The following CASP8 variants were observed in gnomAD, a reference collection of about 807,000 sequenced individuals.
CASP8 encodes caspase 8, also known as caspase-8.
CASP8 carries 24 observed loss-of-function variants against 46.3 expected under a neutral mutation model. The observed-to-expected ratio is 0.52, with a 90% CI of 0.38 to 0.73. The LOEUF is 0.73. Ranked by LOEUF, CASP8 falls within the 30% of genes least tolerant of loss-of-function variation. The probability of loss-of-function intolerance (pLI) is 0.00; values close to 1 mark genes in which losing one functional copy is unlikely to be tolerated. For synonymous variants in CASP8, 188 were observed against 200.4 expected, an observed-to-expected ratio of 0.94 and a Z score of 0.52; for missense variants, 460 against 559.0, an observed-to-expected ratio of 0.82 and a Z score of 1.79.
At chr2:201,279,952 CAAATAAAT>C (rs1036119442) in intron 7 of CASP8, among the ~76,000 whole-genome samples, 1 of 151,340 alleles carries the variant, frequency 6.6e-6, no homozygotes, top group Non-Finnish European at 1.5e-5. Flanking sequence ...GACTCCATCT[CAAATAAAT>C]AAATAAATTA....
chr2:201,255,903 A>G (rs538842057), upstream of CASP8, among the ~76,000 whole-genome samples: 1 of 152,170 alleles, frequency 6.6e-6, no homozygotes, highest in Admixed American at 6.5e-5. Flanking sequence ...CAACAGATGC[A>G]TGCCACCATA....
chr2:201,284,858 A>G lies in CASP8; in HGVS notation c.845A>G (p.Lys282Arg), dbSNP rs1949478887. ...TTTGAAGAGCTTCATTTTGAGATCA[A>G]GCCCCACGATGACTGCACAGTAGAG... is the stretch of plus-strand genomic sequence containing the variant. ...TTFEELHFEI[K>R]PHDDCTVEQI... The change falls in exon 8 of 9, where the codon AAG becomes AGG. Residue 282 changes from lysine (K) to arginine (R), a missense_variant. Coordinates refer to ENST00000673742, the MANE Select transcript of CASP8 (RefSeq NM_001372051.1). The G allele has an allele frequency of 1.9e-6, 3 of 1,614,076 alleles. No homozygotes were observed. Among genetic ancestry groups the G allele is most frequent in the African/African-American group, 2.7e-5 (2 of 74,904 alleles).
At chr2:201,260,983 A>G (rs1034067479) in intron 1 of CASP8, among the ~76,000 whole-genome samples, 3 of 152,206 alleles carry the variant, frequency 2.0e-5, no homozygotes, top group African/African-American at 7.2e-5. Flanking sequence ...TGCTACAGCT[A>G]TCCTCCCACC....
At chr2:201,264,895 T>C (rs151152677) in intron 1 of CASP8, among the ~76,000 whole-genome samples, 1 of 152,084 alleles carries the variant, frequency 6.6e-6, no homozygotes, top group East Asian at 1.9e-4. Context: ...GCTTCCATTC[T>C]AGTGAGAGGG....
At chr2:201,258,065 GTT>G, upstream of CASP8, 1 of 740,852 alleles carries the variant, frequency 1.3e-6, no homozygotes, top group Non-Finnish European at 2.3e-6. Flanking sequence ...TAGGAGTAAA[GTT>G]TACCCTGCAG....
chr2:201,263,622 G>A (rs531468486), intron 1 of CASP8, among the ~76,000 whole-genome samples: 13 of 152,094 alleles, frequency 8.5e-5, no homozygotes, highest in Non-Finnish European at 1.8e-4. Context: ...AATACACTAA[G>A]CATTGTTATC....
rs113734571 is a variant in CASP8, at chr2:201,265,981, G to GTT, written c.-26-467_-26-466dup. ...TTGGCTTGTTTTTTTTGTTTTTTGT[G>GTT]TTTTTTTTTTTTTTGTGAGACGGAG... On this transcript the variant is annotated intron_variant, in intron 1 of 8. Transcript: ENST00000673742. Among the ~76,000 whole-genome samples, 76 of 138,930 alleles carry GTT rather than the reference G, an allele frequency of 5.5e-4. 1 individual carries two copies. Among genetic ancestry groups the GTT allele is most frequent in the Non-Finnish European group, 9.2e-4 (59 of 63,916 alleles). 91.1% of individuals were successfully genotyped at this position (138,930 alleles called of 152,430 possible). A position where few individuals can be genotyped will look rare whatever the true frequency, so the allele number is the denominator to read the frequency against.
intron 2 of CASP8, among the ~76,000 whole-genome samples, chr2:201,251,594 CAAAAAAAA>C (rs59005124): frequency 2.0e-5 from 2 of 102,248 alleles, no homozygotes; most frequent in African/African-American, 7.1e-5. Context: ...GACTCTGTGT[CAAAAAAAA>C]AAAAAAAGAA....
chr2:201,278,400 A>T (rs1948783958), intron 7 of CASP8, among the ~76,000 whole-genome samples: 1 of 152,174 alleles, frequency 6.6e-6, no homozygotes, highest in Non-Finnish European at 1.5e-5. Context: ...TTTAATCAAC[A>T]TTCCACATTT....
intron 2 of CASP8, chr2:201,269,522 C>T (rs969795062): frequency 2.5e-6 from 4 of 1,612,996 alleles, no homozygotes; most frequent in Non-Finnish European, 1.7e-6. Flanking sequence ...TCCACTTCTG[C>T]CGCATGAGCT....
intron 2 of CASP8, chr2:201,269,564 G>T (rs1175136978): frequency 1.2e-6 from 2 of 1,613,552 alleles, no homozygotes; most frequent in Non-Finnish European, 1.7e-6. Context: ...GCCAGACACA[G>T]TCTGTACCTT....
chr2:201,237,085 A>ATTTTT (rs34775964), intron 2 of CASP8, among the ~76,000 whole-genome samples: 11 of 88,084 alleles, frequency 1.2e-4, no homozygotes, highest in Admixed American at 2.6e-4. Flanking sequence ...ACCCCTTTCT[A>ATTTTT]TTTTTTTTTT....
At chr2:201,269,984 T>G (rs1948128039) in intron 2 of CASP8, among the ~76,000 whole-genome samples, 1 of 152,086 alleles carries the variant, frequency 6.6e-6, no homozygotes, top group Non-Finnish European at 1.5e-5. Context: ...GGGTAGAGAG[T>G]CCATGAGAAG....
intron 5 of CASP8, among the ~76,000 whole-genome samples, chr2:201,274,538 G>A (rs995023542): frequency 9.2e-5 from 14 of 152,132 alleles, no homozygotes; most frequent in African/African-American, 3.1e-4. Context: ...GCAGTAGTGC[G>A]ATCTCAGCTC....
upstream of CASP8, chr2:201,258,468 G>A (rs2125050021): frequency 1.3e-6 from 2 of 1,526,386 alleles, no homozygotes; most frequent in Admixed American, 1.7e-5. Flanking sequence ...AGGGCTGTGG[G>A]GGTGGGGAAG....
At chr2:201,245,844 G>A (rs891904492) in intron 2 of CASP8, among the ~76,000 whole-genome samples, 1 of 148,380 alleles carries the variant, frequency 6.7e-6, no homozygotes, top group Non-Finnish European at 1.5e-5. Flanking sequence ...TTTTCTTTCT[G>A]TTGCTTTTCC....
At position 201,286,679 on chromosome 2, in the gene CASP8, G is replaced by GCA. The variant is rs1949577364; in HGVS notation, c.*85_*86insCA. ...CGCCCAGGCTGGAGTGCAGTGGCGT[G>GCA]ATCTCGGCTCACCGCAAGCTCCGCC... On this transcript the variant is annotated 3_prime_UTR_variant, in exon 9 of 9. Coordinates refer to ENST00000673742, the MANE Select transcript of CASP8 (RefSeq NM_001372051.1). The GCA allele has an allele frequency of 1.0e-5, 12 of 1,194,214 alleles. No homozygotes were observed. The Admixed American group carries it at 2.3e-4, about 23-fold the overall frequency. The allele number at this position is 1,194,214 out of a possible 1,614,324, so 74.0% of individuals were successfully genotyped here.
intron 2 of CASP8, among the ~76,000 whole-genome samples, chr2:201,251,013 G>A (rs939886632): frequency 2.0e-5 from 3 of 152,124 alleles, no homozygotes; most frequent in Admixed American, 1.3e-4. Context: ...ACAGTATGTA[G>A]CCTCTCCAGA....
Position 201,274,945 on chromosome 2 carries a change from G to A in CASP8, c.652G>A (p.Glu218Lys). 5 of 1,609,680 alleles carry A rather than the reference G, an allele frequency of 3.1e-6. No individual in the cohort carries two copies. The highest frequency in any genetic ancestry group is 4.3e-6 in the Non-Finnish European group (5 of 1,176,190). Residue 218 changes from glutamate to lysine, a missense_variant, in exon 6 of 9, where the codon GAA (glutamate) becomes AAA (lysine). Coordinates refer to ENST00000673742, the MANE Select transcript of CASP8 (RefSeq NM_001372051.1). ...ISDSPREQDS[E>K]SQTLDKVYQM... The stretch of plus-strand genomic sequence containing the variant: ...GGACTCTCCAAGAGAACAGGATAGT[G>A]AATCACAGGTAGACGGAAACCTCCA...
Sources: allele counts gnomAD v4.1 joint callset (sites outside exome capture counted in the v4.1 genomes callset), GRCh38; gene constraint gnomAD v4.1.1; transcripts MANE v1.5; gene names NCBI Gene and HGNC (gene_info 2026-07-23, HGNC 2026-07-21).